The following LRP1B variants were observed in gnomAD, a reference collection of about 807,000 sequenced individuals.
LRP1B encodes the protein LDL receptor related protein 1B, also known as low-density lipoprotein receptor-related protein 1B.
In LRP1B, 217 loss-of-function variants were observed where a neutral mutation model predicts 556.6. The ratio of observed to expected loss-of-function variants is 0.39; its 90% confidence interval spans 0.35 to 0.44. The LOEUF is 0.44. Among genes scored for constraint, LRP1B ranks in the 20% least tolerant of loss-of-function variants. The pLI is 1.00. For missense variants in LRP1B, 5,053 were observed against 5,620.8 expected (o/e 0.90, Z 3.23); for synonymous variants, 2,047 against 1,865.8 (o/e 1.10, Z -2.50).
chr2:140,324,335 G>C (rs987663950), intron 80 of LRP1B, among the ~76,000 whole-genome samples: 1 of 151,860 alleles, frequency 6.6e-6, no homozygotes, highest in Non-Finnish European at 1.5e-5. Flanking sequence ...TTTTCTGGGG[G>C]TTATTATTTG....
intron 1 of LRP1B, among the ~76,000 whole-genome samples, chr2:141,988,470 C>T (rs1273160357): frequency 6.6e-6 from 1 of 151,872 alleles, no homozygotes; most frequent in Non-Finnish European, 1.5e-5. Flanking sequence ...TCTTAATCAT[C>T]CTTATGTACA....
rs370545515 is a variant in LRP1B at position 141,051,453 on chromosome 2, A to T, written c.1553-2231T>A. On this transcript the variant is annotated intron_variant, in intron 10 of 90. Coordinates refer to ENST00000389484, the MANE Select transcript of LRP1B (RefSeq NM_018557.3). ...GTGGAATACTATGCAGCCATAAAAA[A>T]GAATGAGATCATGTCCTTTGCAGGG... Among the ~76,000 whole-genome samples, 6 of 152,228 alleles carry T rather than the reference A, an allele frequency of 3.9e-5. No homozygotes were observed. In the East Asian group the frequency reaches 9.7e-4, roughly 25 times the overall value.
chr2:140,769,163 T>C, intron 35 of LRP1B, 50 bp downstream of exon 35: 1 of 1,527,028 alleles, frequency 6.5e-7, no homozygotes, highest in South Asian at 1.1e-5. Context: ...TCATGTTTAA[T>C]AAATCAAGTG....
intron 17 of LRP1B, among the ~76,000 whole-genome samples, chr2:140,989,309 A>C (rs1296492228): frequency 3.3e-5 from 5 of 152,128 alleles, no homozygotes; most frequent in Non-Finnish European, 7.4e-5. Flanking sequence ...ATATGGATAG[A>C]TGAAGTGCCA....
intron 7 of LRP1B, among the ~76,000 whole-genome samples, chr2:141,069,340 T>C (rs895020886): frequency 4.6e-5 from 7 of 152,060 alleles, no homozygotes; most frequent in Non-Finnish European, 1.0e-4. Flanking sequence ...TGTGGAGAAA[T>C]AGAAAGATTT....
At chr2:141,038,687 T>C (rs10202342) in intron 11 of LRP1B, among the ~76,000 whole-genome samples, 98,051 of 151,754 alleles carry the variant, frequency 0.65, 33,429 homozygotes, top group Non-Finnish European at 0.74. Context: ...CAATCTAGAC[T>C]AACTATATTG....
chr2:140,997,080 T>A (rs1697269013), intron 15 of LRP1B, among the ~76,000 whole-genome samples: 1 of 151,970 alleles, frequency 6.6e-6, no homozygotes, highest in African/African-American at 2.4e-5. Flanking sequence ...CTAGCAAAAA[T>A]TCTACAGTAT....
chr2:141,056,978 T>A (rs1699193985), intron 9 of LRP1B, among the ~76,000 whole-genome samples: 1 of 151,916 alleles, frequency 6.6e-6, no homozygotes, highest in Non-Finnish European at 1.5e-5. Context: ...GCTAGACCAC[T>A]GTCTGATTTA....
chr2:140,267,112 C>T (rs1682239869), intron 86 of LRP1B, among the ~76,000 whole-genome samples: 1 of 151,998 alleles, frequency 6.6e-6, no homozygotes, highest in South Asian at 2.1e-4. Context: ...AGTCTAACTT[C>T]ACACATAAAA....
intron 66 of LRP1B, among the ~76,000 whole-genome samples, chr2:140,411,224 CAT>C (rs1460802748): frequency 7.2e-5 from 11 of 152,000 alleles, no homozygotes; most frequent in Non-Finnish European, 1.3e-4. Context: ...TGAATGAGAA[CAT>C]ATTTTATTGA....
intron 3 of LRP1B, among the ~76,000 whole-genome samples, chr2:141,442,987 C>A (rs1046221720): frequency 6.6e-6 from 1 of 152,066 alleles, no homozygotes; most frequent in Non-Finnish European, 1.5e-5. Context: ...GGTTTTAGAT[C>A]CTTGAGGAAT....
At chr2:141,544,905 A>G (rs771922114) in intron 2 of LRP1B, among the ~76,000 whole-genome samples, 12 of 152,018 alleles carry the variant, frequency 7.9e-5, no homozygotes, top group Non-Finnish European at 1.6e-4. Flanking sequence ...GGCTCAAGAT[A>G]TCCTTCTGGC....
In LRP1B at chr2:141,190,381, C is replaced by T. The variant is rs188195404; in HGVS notation, c.851-1798G>A. Among the ~76,000 whole-genome samples the T allele has an allele frequency of 3.2e-4, 48 of 152,042 alleles. No homozygotes were observed. In the East Asian group the frequency reaches 7.6e-3, roughly 24 times the overall value. ...AGAAGCAAAGTTCTTTTTGCCCCTA[C>T]GCTATTCTCAATGCTGCAGCTTTAG... On this transcript the variant is annotated intron_variant, in intron 6 of 90. Coordinates refer to ENST00000389484, the MANE Select transcript of LRP1B (RefSeq NM_018557.3).
chr2:141,055,417 G>A (rs1016336844), intron 9 of LRP1B, among the ~76,000 whole-genome samples, 158 bp from the exon 10 acceptor site: 3 of 151,912 alleles, frequency 2.0e-5, no homozygotes, highest in African/African-American at 4.8e-5. Flanking sequence ...GCAAAAGAGT[G>A]TAAACCCCAT....
At chr2:140,392,706 T>A (rs1684075547) in intron 66 of LRP1B, among the ~76,000 whole-genome samples, 1 of 152,162 alleles carries the variant, frequency 6.6e-6, no homozygotes, top group Non-Finnish European at 1.5e-5. Context: ...CTAACTATAA[T>A]ACATGTGATT....
chr2:141,430,584 AAAT>A (rs1573937115), intron 3 of LRP1B, among the ~76,000 whole-genome samples: 1 of 151,660 alleles, frequency 6.6e-6, no homozygotes, highest in African/African-American at 2.4e-5. Context: ...TCAGTCTTCC[AAAT>A]AATAAGGTAA....
intron 1 of LRP1B, among the ~76,000 whole-genome samples, chr2:142,008,416 A>G (rs1269813378): frequency 6.6e-6 from 1 of 152,194 alleles, no homozygotes; most frequent in Non-Finnish European, 1.5e-5. Flanking sequence ...GCACGGATTC[A>G]AATGCAGCCT....
intron 32 of LRP1B, among the ~76,000 whole-genome samples, chr2:140,788,039 G>C (rs1457369927): frequency 6.6e-6 from 1 of 152,170 alleles, no homozygotes; most frequent in Admixed American, 6.5e-5. Flanking sequence ...GTGATAATTG[G>C]CTGTGACACT....
chr2:140,623,563 T>A (rs1574155218), intron 41 of LRP1B, among the ~76,000 whole-genome samples: 1 of 152,172 alleles, frequency 6.6e-6, no homozygotes, highest in East Asian at 1.9e-4. Context: ...AGTCAAAATT[T>A]ACACAAAATT....
Sources: allele counts gnomAD v4.1 joint callset (sites outside exome capture counted in the v4.1 genomes callset), GRCh38; gene constraint gnomAD v4.1.1; transcripts MANE v1.5; gene names NCBI Gene and HGNC (gene_info 2026-07-23, HGNC 2026-07-21).